TMPRSS4: variants seen among roughly 807,000 people sequenced by gnomAD.
The protein encoded by TMPRSS4 is transmembrane protease serine 4.
TMPRSS4 carries 45 observed loss-of-function variants against 56.4 expected under a neutral mutation model. That is an observed-to-expected ratio of 0.80 (90% CI 0.63 to 1.02). The LOEUF is 1.02. Ranked by LOEUF, TMPRSS4 falls within the 50% of genes least tolerant of loss-of-function variation. The pLI is 0.00. For synonymous variants in TMPRSS4, 205 were observed against 211.0 expected (o/e 0.97, Z 0.25); for missense variants, 546 against 556.7 (o/e 0.98, Z 0.19).
At chr11:118,125,061 C>T (rs886978487), downstream of TMPRSS4, among the ~76,000 whole-genome samples, 3 of 152,240 alleles carry the variant, frequency 2.0e-5, no homozygotes, top group Non-Finnish European at 4.4e-5. Context: ...GGGCCAGGAC[C>T]AGAGCTGGGC....
In TMPRSS4 at chr11:118,119,364, G is replaced by T. The variant is rs1388132866; in HGVS notation, c.*1451G>T. On this transcript the variant is annotated 3_prime_UTR_variant, in exon 13 of 13. Coordinates refer to ENST00000437212, the MANE Select transcript of TMPRSS4 (RefSeq NM_019894.4). ...GTGGTCTCAAATTGCAGATGGTCTG[G>T]AGGAAAATTTCCCAAATTTAGAGCC... The T allele has an allele frequency of 2.0e-6, 2 of 985,242 alleles. No homozygotes were observed. The highest frequency in any genetic ancestry group is 2.4e-6 in the Non-Finnish European group (2 of 829,926). The allele number at this position is 985,242 out of a possible 1,614,324, so 61.0% of individuals were successfully genotyped here.
At position 118,118,183 on chromosome 11, in the gene TMPRSS4, G is replaced by C; in HGVS notation, c.*270G>C. 7.2e-7 allele frequency: 1 copy of C among 1,381,044 alleles called. No individual in the cohort carries two copies. The highest frequency in any genetic ancestry group is 1.8e-5 in the South Asian group (1 of 56,982). 85.5% of individuals were successfully genotyped at this position (1,381,044 alleles called of 1,614,324 possible). ...ACACAGCCCACTGAACAAGGTCTCA[G>C]GGGTATTGCTAAGCCAAGAAGGAAC... On this transcript the variant is annotated 3_prime_UTR_variant, in exon 13 of 13. Coordinates refer to ENST00000437212, the MANE Select transcript of TMPRSS4 (RefSeq NM_019894.4).
At chr11:118,098,848 A>G (rs1946558120) in intron 2 of TMPRSS4, 137 bp from the exon 3 acceptor site, 2 of 604,454 alleles carry the variant, frequency 3.3e-6, no homozygotes, top group East Asian at 5.6e-5. Flanking sequence ...CTGCAGGAAT[A>G]ACCCCCCAGC....
rs1190111493 is a variant in TMPRSS4, at chr11:118,119,293, GA to G, written c.*1382del. On this transcript the variant is annotated 3_prime_UTR_variant, in exon 13 of 13. Coordinates refer to ENST00000437212, the MANE Select transcript of TMPRSS4 (RefSeq NM_019894.4). ...TGGACACACTGAAGACAAGGGAGCT[GA>G]ACCAGGGCTCCTACATGAAGCAGGG... 3 of 985,298 alleles carry G rather than the reference GA, an allele frequency of 3.0e-6. No homozygotes were observed. The highest frequency in any genetic ancestry group is 3.6e-6 in the Non-Finnish European group (3 of 829,920). 61.0% of individuals were successfully genotyped at this position (985,298 alleles called of 1,614,324 possible). A position where few individuals can be genotyped will look rare whatever the true frequency, so the allele number is the denominator to read the frequency against.
At chr11:118,094,107 G>A (rs1011892423) in intron 1 of TMPRSS4, among the ~76,000 whole-genome samples, 1 of 152,172 alleles carries the variant, frequency 6.6e-6, no homozygotes, top group African/African-American at 2.4e-5. Context: ...TTCACACACA[G>A]GTTTTTTGCT....
chr11:118,102,357 A>G (rs1456831774), intron 3 of TMPRSS4, among the ~76,000 whole-genome samples: 3 of 152,246 alleles, frequency 2.0e-5, no homozygotes, highest in Non-Finnish European at 4.4e-5. Context: ...AGATATCATC[A>G]TCCCATTGTA....
At chr11:118,104,849 C>CCCTCCTT (rs768398789) in intron 5 of TMPRSS4, 29 bp downstream of exon 5, 1 of 1,534,774 alleles carries the variant, frequency 6.5e-7, no homozygotes, top group Non-Finnish European at 8.8e-7. Flanking sequence ...TCTCCTTTTT[C>CCCTCCTT]CCTCCTTCCT....
intron 1 of TMPRSS4, among the ~76,000 whole-genome samples, chr11:118,090,546 G>A (rs537861801): frequency 6.6e-6 from 1 of 151,626 alleles, no homozygotes; most frequent in Non-Finnish European, 1.5e-5. Context: ...GGAGGCTGCG[G>A]TGGGCAGATC....
In TMPRSS4 at chr11:118,113,301, G is replaced by A. The variant is rs564338335; in HGVS notation, c.776G>A (p.Arg259Gln). Reference protein sequence around the residue: ...KHTDVFNWKVRAGSDKLGSFP... With the variant: ...KHTDVFNWKVQAGSDKLGSFP... ...ACCGATGTGTTCAACTGGAAGGTGC[G>A]GGCAGGCTCAGACAAACTGGGCAGC... is the stretch of plus-strand genomic sequence containing the variant. Residue 259 changes from arginine (R) to glutamine (Q), a missense_variant, in exon 9 of 13, where the codon CGG becomes CAG. Transcript: ENST00000437212. 25 of 1,613,910 alleles carry A rather than the reference G, an allele frequency of 1.5e-5. No individual in the cohort carries two copies. The African/African-American group carries it at 1.9e-4, about 12-fold the overall frequency.
intron 2 of TMPRSS4, among the ~76,000 whole-genome samples, chr11:118,097,038 G>A (rs573882209): frequency 2.4e-5 from 1 of 42,350 alleles, no homozygotes; most frequent in African/African-American, 1.4e-4. Context: ...GAAAGAAAAG[G>A]AAAGAAAGGA....
intron 3 of TMPRSS4, 80 bp downstream of exon 3, chr11:118,099,178 A>G (rs1946584373): frequency 8.8e-7 from 1 of 1,136,228 alleles, no homozygotes; most frequent in Non-Finnish European, 1.3e-6. Flanking sequence ...TCACCCCTGA[A>G]TAAGTGACAG....
chr11:118,097,007 A>AAG (rs1312034962), intron 2 of TMPRSS4, among the ~76,000 whole-genome samples: 1 of 123,646 alleles, frequency 8.1e-6, no homozygotes, highest in Non-Finnish European at 1.7e-5. Context: ...AAAGAAAGAA[A>AAG]GAAAGAAAGA....
intron 7 of TMPRSS4, among the ~76,000 whole-genome samples, chr11:118,110,893 T>G (rs11216768): frequency 0.055 from 8,370 of 152,200 alleles, 566 homozygotes; most frequent in African/African-American, 0.15. Context: ...AAAACAGAAT[T>G]ACTTTTTAGA....
At position 118,111,872 on chromosome 11, in the gene TMPRSS4, T is replaced by C; in HGVS notation, c.715T>C (p.Trp239Arg). ...TGGAGGGAGCATCCTGGACCCCCAC[T>C]GGGTCCTCACGGCAGCCCACTGCTT... is the stretch of plus-strand genomic sequence containing the variant. ...VCGGSILDPH[W>R]VLTAAHCFRK... The change falls in exon 8 of 13, where the codon TGG becomes CGG. Residue 239 changes from tryptophan (W) to arginine (R), a missense_variant. Trp to Arg is a moderately radical substitution (Grantham distance 101). Transcript: ENST00000437212. The C allele has an allele frequency of 6.2e-7, 1 of 1,609,652 alleles. No homozygotes were observed. The highest frequency in any genetic ancestry group is 8.5e-7 in the Non-Finnish European group (1 of 1,178,152).
intron 7 of TMPRSS4, among the ~76,000 whole-genome samples, chr11:118,110,029 A>G (rs1404291634): frequency 6.6e-6 from 1 of 152,238 alleles, no homozygotes; most frequent in Non-Finnish European, 1.5e-5. Flanking sequence ...CAACACTGAA[A>G]GGGTGGCCAA....
Position 118,103,136 on chromosome 11 carries a change from G to T in TMPRSS4, c.193G>T (p.Gly65Trp). Residue 65 changes from glycine (G) to tryptophan (W), a missense_variant, in exon 4 of 13, where the codon GGG becomes TGG. Physicochemically the swap from Gly to Trp is radical, Grantham distance 184. Coordinates refer to ENST00000437212, the MANE Select transcript of TMPRSS4 (RefSeq NM_019894.4). Reference protein sequence around the residue: ...VILDKYYFLCGQPLHFIPRKQ... With the variant: ...VILDKYYFLCWQPLHFIPRKQ... Reference sequence around the variant, plus strand: ...TCTGGATAAATACTACTTCCTCTGCGGGCAGCCTCTCCACTTCATCCCGAG... The same window carrying T: ...TCTGGATAAATACTACTTCCTCTGCTGGCAGCCTCTCCACTTCATCCCGAG... The T allele has an allele frequency of 6.2e-7, 1 of 1,614,178 alleles. No individual in the cohort carries two copies. The highest frequency in any genetic ancestry group is 8.5e-7 in the Non-Finnish European group (1 of 1,180,034).
rs568978179 is a variant in TMPRSS4 at position 118,096,905 on chromosome 11, A to G, written c.43+2050A>G. On this transcript the variant is annotated intron_variant, in intron 2 of 12. Coordinates refer to ENST00000437212, the MANE Select transcript of TMPRSS4 (RefSeq NM_019894.4). ...AAAGAAAGAAAGAAAGAAAGAAAGA[A>G]AGAAAGGGAGAGAGAAAGGAAAGAA... Among the ~76,000 whole-genome samples, 330 of 44,142 alleles carry G rather than the reference A, an allele frequency of 7.5e-3. 24 individuals are homozygous for G. The highest frequency in any genetic ancestry group is 0.021 in the African/African-American group (177 of 8,330). 29.0% of individuals were successfully genotyped at this position (44,142 alleles called of 152,430 possible). A position where few individuals can be genotyped will look rare whatever the true frequency, so the allele number is the denominator to read the frequency against.
At chr11:118,101,929 C>T (rs2135399940) in intron 3 of TMPRSS4, among the ~76,000 whole-genome samples, 1 of 152,286 alleles carries the variant, frequency 6.6e-6, no homozygotes, top group Non-Finnish European at 1.5e-5. Context: ...CGAGGACCAA[C>T]CCCTTCACAG....
intron 8 of TMPRSS4, 89 bp downstream of exon 8, chr11:118,111,989 C>T: frequency 6.6e-7 from 1 of 1,516,898 alleles, no homozygotes; most frequent in South Asian, 1.3e-5. Context: ...CACCGTCCTT[C>T]TCTTCACTCT....
Sources: allele counts gnomAD v4.1 joint callset (sites outside exome capture counted in the v4.1 genomes callset), GRCh38; gene constraint gnomAD v4.1.1; transcripts MANE v1.5; gene names NCBI Gene and HGNC (gene_info 2026-07-23, HGNC 2026-07-21).